The following MYLK4 variants were observed in gnomAD, a reference collection of about 807,000 sequenced individuals.
The protein encoded by MYLK4 is caMLCK like.
MYLK4 carries 46 observed loss-of-function variants against 48.1 expected under a neutral mutation model. The observed-to-expected ratio is 0.96, with a 90% CI of 0.75 to 1.22. The LOEUF (loss-of-function observed/expected upper bound fraction) is 1.22. MYLK4 is among the 50% of genes most tolerant of loss of function. MYLK4 has a pLI of 0.00. For synonymous variants in MYLK4, 170 were observed against 180.8 expected, an observed-to-expected ratio of 0.94 and a Z score of 0.48; for missense variants, 451 against 486.1, an observed-to-expected ratio of 0.93 and a Z score of 0.68.
chr6:2,676,807 G>A (rs1383724725), intron 10 of MYLK4, among the ~76,000 whole-genome samples: 2 of 152,110 alleles, frequency 1.3e-5, no homozygotes, highest in Admixed American at 1.3e-4. Flanking sequence ...TTCCCCATGT[G>A]TAAAATGATG....
intron 2 of MYLK4, among the ~76,000 whole-genome samples, chr6:2,711,800 T>C (rs995735474): frequency 1.3e-5 from 2 of 152,184 alleles, no homozygotes; most frequent in African/African-American, 2.4e-5. Context: ...TATCTTTTTT[T>C]TTTAAAGGCA....
chr6:2,762,644 T>C, the MYLK4 span, among the ~76,000 whole-genome samples: 2 of 152,374 alleles, frequency 1.3e-5, no homozygotes, highest in African/African-American at 4.8e-5. Context: ...ATAATCCTTA[T>C]GTGCTCGCAG....
At chr6:2,722,465 A>G (rs1763102775) in intron 2 of MYLK4, among the ~76,000 whole-genome samples, 1 of 151,950 alleles carries the variant, frequency 6.6e-6, no homozygotes, top group Non-Finnish European at 1.5e-5. Context: ...AAAAATTATA[A>G]TATAACTATG....
chr6:2,765,894 G>T, the MYLK4 span: 1 of 1,454,996 alleles, frequency 6.9e-7, no homozygotes, highest in Non-Finnish European at 9.0e-7. Flanking sequence ...GCAGCCGAGA[G>T]CAGCGAGGGC....
intron 2 of MYLK4, among the ~76,000 whole-genome samples, chr6:2,695,468 G>A (rs77001707): frequency 1.1e-4 from 16 of 152,282 alleles, no homozygotes; most frequent in Non-Finnish European, 1.9e-4. Context: ...CTTTGGGTTC[G>A]GAGTTGGACT....
At chr6:2,687,041 A>G (rs748277023) in intron 4 of MYLK4, among the ~76,000 whole-genome samples, 64 of 152,142 alleles carry the variant, frequency 4.2e-4, no homozygotes, top group Non-Finnish European at 8.1e-4. Context: ...CTGGTTCAAC[A>G]CAGTGATAAC....
intron 7 of MYLK4, among the ~76,000 whole-genome samples, chr6:2,680,724 A>G (rs1561834713): frequency 6.6e-6 from 1 of 152,214 alleles, no homozygotes; most frequent in Admixed American, 6.5e-5. Context: ...CTCCATTCAA[A>G]CAGCCACACT....
At chr6:2,764,151 G>A in the MYLK4 span, among the ~76,000 whole-genome samples, 1 of 152,162 alleles carries the variant, frequency 6.6e-6, no homozygotes, top group South Asian at 2.1e-4. Flanking sequence ...GAAAGCTCAC[G>A]ATCCTCTTTT....
intron 2 of MYLK4, among the ~76,000 whole-genome samples, chr6:2,712,979 C>T (rs1246119569): frequency 6.6e-6 from 1 of 152,240 alleles, no homozygotes; most frequent in African/African-American, 2.4e-5. Flanking sequence ...ATCTCAAAGA[C>T]TATGCTTCTC....
intron 2 of MYLK4, among the ~76,000 whole-genome samples, chr6:2,730,504 G>A (rs777631785): frequency 2.0e-4 from 31 of 152,236 alleles, no homozygotes; most frequent in African/African-American, 6.0e-4. Context: ...CTTAACAGGC[G>A]AATTTCCAGG....
chr6:2,729,394 G>A (rs1477057458), intron 2 of MYLK4, among the ~76,000 whole-genome samples: 1 of 152,240 alleles, frequency 6.6e-6, no homozygotes, highest in African/African-American at 2.4e-5. Context: ...CAGGTCGGCT[G>A]TGGGACACAG....
chr6:2,747,178 T>C lies in MYLK4; in HGVS notation c.159+1958A>G, dbSNP rs531299261. ...TACAGAAGGGATATGAGACTTACTA[T>C]AAAGGACATTCTCTGATGGTTTCTA... is the stretch of plus-strand genomic sequence containing the variant. On this transcript the variant is annotated intron_variant, in intron 2 of 12. Coordinates refer to ENST00000274643, the MANE Select transcript of MYLK4 (RefSeq NM_001012418.5). Among the ~76,000 whole-genome samples the C allele has an allele frequency of 2.0e-5, 3 of 152,264 alleles. No individual in the cohort carries two copies. The South Asian group carries it at 6.2e-4, about 32-fold the overall frequency.
At chr6:2,690,569 G>C (rs1761737143) in intron 3 of MYLK4, among the ~76,000 whole-genome samples, 1 of 152,168 alleles carries the variant, frequency 6.6e-6, no homozygotes, top group Non-Finnish European at 1.5e-5. Context: ...CTCCGTGATA[G>C]AGGTGACCAT....
the MYLK4 span, among the ~76,000 whole-genome samples, chr6:2,763,577 G>A: frequency 5.3e-5 from 8 of 152,342 alleles, no homozygotes; most frequent in Middle Eastern, 6.8e-3. Context: ...GCTTATCTGA[G>A]CCTACTCCCA....
chr6:2,719,821 A>T (rs1389413212), intron 2 of MYLK4, among the ~76,000 whole-genome samples: 2 of 152,204 alleles, frequency 1.3e-5, no homozygotes. Flanking sequence ...AATTCACATC[A>T]ACAAGCAGCA....
chr6:2,679,545 A>T (rs568473323), intron 8 of MYLK4, 137 bp from the exon 9 acceptor site: 24 of 1,154,426 alleles, frequency 2.1e-5, no homozygotes, highest in Non-Finnish European at 2.8e-5. Flanking sequence ...AGGAAATCAA[A>T]CAATCAAGCA....
At chr6:2,770,112 A>G in the MYLK4 span, 4 of 1,614,056 alleles carry the variant, frequency 2.5e-6, no homozygotes, top group Admixed American at 3.3e-5. Flanking sequence ...TTTTCCTCCC[A>G]TGATTAGGAC....
rs1440828689 is a variant in MYLK4, at chr6:2,694,507, T to C, written c.160-1648A>G. On this transcript the variant is annotated intron_variant, in intron 2 of 12. Transcript: ENST00000274643. Reference sequence around the variant, plus strand: ...GTAGTGGTCATGGTGGTGGTGGTGGTGGTGGCGGTGGTGGTGGTGGTGGTA... The same window carrying C: ...GTAGTGGTCATGGTGGTGGTGGTGGCGGTGGCGGTGGTGGTGGTGGTGGTA... Among the ~76,000 whole-genome samples, 20 of 26,918 alleles carry C rather than the reference T, an allele frequency of 7.4e-4. 1 individual carries two copies. Among genetic ancestry groups the C allele is most frequent in the African/African-American group, 3.2e-3 (17 of 5,352 alleles). 17.7% of individuals were successfully genotyped at this position (26,918 alleles called of 152,430 possible).
chr6:2,765,392 T>G, the MYLK4 span: 1 of 387,060 alleles, frequency 2.6e-6, no homozygotes, highest in African/African-American at 2.1e-5. Flanking sequence ...GGCCACGAAC[T>G]ACACTTCCCG....
Sources: allele counts gnomAD v4.1 joint callset (sites outside exome capture counted in the v4.1 genomes callset), GRCh38; gene constraint gnomAD v4.1.1; transcripts MANE v1.5; gene names NCBI Gene and HGNC (gene_info 2026-07-23, HGNC 2026-07-21).